CRYBG1: variants seen among roughly 807,000 people sequenced by gnomAD.
The protein encoded by CRYBG1 is crystallin beta-gamma domain containing 1, also known as beta/gamma crystallin domain-containing protein 1.
CRYBG1 carries 139 observed loss-of-function variants against 189.2 expected under a neutral mutation model. That is an observed-to-expected ratio of 0.73 (90% CI 0.64 to 0.85). The LOEUF (loss-of-function observed/expected upper bound fraction) is 0.85. Among genes scored for constraint, CRYBG1 ranks in the 40% least tolerant of loss-of-function variants. The pLI is 0.00. For synonymous variants in CRYBG1, 1,023 were observed against 1,017.1 expected (o/e 1.01, Z -0.11); for missense variants, 2,611 against 2,675.8 (o/e 0.98, Z 0.53).
rs1454440034 is a variant in CRYBG1 at position 106,511,758 on chromosome 6, G to A, written c.641G>A (p.Arg214His). The A allele has an allele frequency of 5.2e-6, 8 of 1,535,236 alleles. No individual in the cohort carries two copies. In the Admixed American group the frequency reaches 1.6e-4, roughly 30 times the overall value. The change falls in exon 3 of 22, where the codon CGC becomes CAC. Residue 214 changes from arginine to histidine, a missense_variant. Arg to His is a conservative substitution (Grantham distance 29, BLOSUM62 0). This residue lies in a region of CRYBG1 where 985 missense variants were observed against 924.4 expected (regional missense o/e 1.07). Transcript: ENST00000633556. ...AAPPDAELSPRWSSSAAAVAV... is the reference protein window; with the variant it reads ...AAPPDAELSPHWSSSAAAVAV... ...CCCCCTGACGCCGAGCTGTCACCTC[G>A]CTGGAGCAGCAGTGCAGCGGCTGTG...
At chr6:106,559,854 G>A (rs757145180) in intron 18 of CRYBG1, among the ~76,000 whole-genome samples, 22 of 152,100 alleles carry the variant, frequency 1.4e-4, no homozygotes, top group Non-Finnish European at 2.6e-4. Context: ...TAGCACTTTG[G>A]GAGGTCAAAG....
chr6:106,568,381 A>T, intron 21 of CRYBG1, 91 bp from the exon 22 acceptor site: 1 of 1,000,604 alleles, frequency 1.0e-6, no homozygotes, highest in Non-Finnish European at 1.5e-6. Flanking sequence ...TTACTTGCTT[A>T]CTTTTGCTGT....
At position 106,497,283 on chromosome 6, in the gene CRYBG1, G is replaced by A. The variant is rs73515141; in HGVS notation, c.313-14147G>A. On this transcript the variant is annotated intron_variant, in intron 2 of 21. Coordinates refer to ENST00000633556, the MANE Select transcript of CRYBG1 (RefSeq NM_001371242.2). ...AGAAACTGAGTGGGAAAAGACATTC[G>A]ATGTTGCATGAAAACCCTTACAAGG... Among the ~76,000 whole-genome samples the A allele has an allele frequency of 3.8e-3, 584 of 152,208 alleles. 6 individuals carry two copies. Among genetic ancestry groups the A allele is most frequent in the African/African-American group, 0.013 (560 of 41,518 alleles).
chr6:106,426,622 C>G (rs1220891818), intron 1 of CRYBG1, among the ~76,000 whole-genome samples: 1 of 152,094 alleles, frequency 6.6e-6, no homozygotes, highest in Non-Finnish European at 1.5e-5. Context: ...TATTTCTTGC[C>G]TGGGTTCTAG....
At chr6:106,372,262 C>T (rs1425012241) in intron 1 of CRYBG1, among the ~76,000 whole-genome samples, 3 of 147,804 alleles carry the variant, frequency 2.0e-5, no homozygotes, top group African/African-American at 4.9e-5. Context: ...TTTGTCATTA[C>T]TTTTTTTTTT....
chr6:106,471,320 A>G (rs1309055451), intron 2 of CRYBG1, among the ~76,000 whole-genome samples: 1 of 152,202 alleles, frequency 6.6e-6, no homozygotes, highest in Admixed American at 6.5e-5. Context: ...TTTATCTGTA[A>G]AGGAAGTACT....
In CRYBG1 at chr6:106,512,647, G is replaced by A. The variant is rs762609512; in HGVS notation, c.1530G>A (p.Ser510=). The A allele has an allele frequency of 1.3e-6, 2 of 1,585,536 alleles. No individual in the cohort carries two copies. The highest frequency in any genetic ancestry group is 2.3e-5 in the East Asian group (1 of 43,670). The change falls in exon 3 of 22, where the codon TCG becomes TCA. Residue 510 remains serine (S), a synonymous_variant. Coordinates refer to ENST00000633556, the MANE Select transcript of CRYBG1 (RefSeq NM_001371242.2). The part of the protein sequence containing the change: ...SDRSKQPPPA[S]SPTKRKGRSR... ...GGAGCAAACAGCCACCCCCGGCTTC[G>A]TCCCCCACGAAGAGGAAGGGCAGGA...
At chr6:106,517,090 GC>G (rs1324451949) in intron 3 of CRYBG1, among the ~76,000 whole-genome samples, 1 of 143,994 alleles carries the variant, frequency 6.9e-6, no homozygotes, top group African/African-American at 2.6e-5. Context: ...GCTCACTGCA[GC>G]CTTGATCTTC....
At chr6:106,480,970 T>TAAGAAAAGAAAAAATTGGCTGC (rs1562081332) in intron 2 of CRYBG1, among the ~76,000 whole-genome samples, 128 of 19,342 alleles carry the variant, frequency 6.6e-3, no homozygotes, top group South Asian at 0.018. Context: ...GACTCTGTCT[T>TAAGAAAAGAAAAAATTGGCTGC]TTTTTTTTTT....
chr6:106,386,717 G>C (rs1455055434), intron 1 of CRYBG1, among the ~76,000 whole-genome samples: 2 of 152,210 alleles, frequency 1.3e-5, no homozygotes, highest in African/African-American at 4.8e-5. Context: ...GCCACCGCTA[G>C]ACATACCATC....
At chr6:106,409,149 T>TG (rs1316047082) in intron 1 of CRYBG1, among the ~76,000 whole-genome samples, 3 of 152,236 alleles carry the variant, frequency 2.0e-5, no homozygotes, top group African/African-American at 7.2e-5. Context: ...AAAAATCTTT[T>TG]TAAGCTGATA....
intron 2 of CRYBG1, among the ~76,000 whole-genome samples, chr6:106,469,096 C>T (rs912050041): frequency 1.3e-5 from 2 of 152,214 alleles, no homozygotes; most frequent in Admixed American, 6.5e-5. Context: ...CTCCCCACCA[C>T]TCACCCCTCA....
At chr6:106,529,537 G>A (rs1773829463) in intron 7 of CRYBG1, among the ~76,000 whole-genome samples, 2 of 152,214 alleles carry the variant, frequency 1.3e-5, no homozygotes, top group African/African-American at 4.8e-5. Flanking sequence ...CAGCTGCATA[G>A]ATGAGTTTCA....
chr6:106,501,668 G>A (rs1427019779), intron 2 of CRYBG1, among the ~76,000 whole-genome samples: 2 of 152,184 alleles, frequency 1.3e-5, no homozygotes, highest in South Asian at 2.1e-4. Flanking sequence ...TATGATAGAT[G>A]TGCAACTTTT....
intron 1 of CRYBG1, among the ~76,000 whole-genome samples, chr6:106,448,618 T>C (rs549718408): frequency 9.9e-4 from 151 of 152,318 alleles, no homozygotes; most frequent in African/African-American, 3.6e-3. Context: ...TCAAATTCCA[T>C]CTTAAATATG....
Position 106,419,843 on chromosome 6 carries a change from T to C in CRYBG1, c.174-31851T>C, listed in dbSNP as rs75373862. ...GAAAAAAATCATCTGAGCAGACAAA[T>C]ATAACTCTTTTGAAGTCTCTATTCC... is the stretch of plus-strand genomic sequence containing the variant. On this transcript the variant is annotated intron_variant, in intron 1 of 21. Coordinates refer to ENST00000633556, the MANE Select transcript of CRYBG1 (RefSeq NM_001371242.2). Among the ~76,000 whole-genome samples, 1,425 of 152,304 alleles carry C rather than the reference T, an allele frequency of 9.4e-3. 28 individuals are homozygous for C. Among genetic ancestry groups the C allele is most frequent in the African/African-American group, 0.033 (1,354 of 41,552 alleles).
chr6:106,548,250 A>G (rs959461822), intron 13 of CRYBG1, among the ~76,000 whole-genome samples: 2 of 152,186 alleles, frequency 1.3e-5, no homozygotes, highest in African/African-American at 4.8e-5. Flanking sequence ...CGGATCATAG[A>G]GCAGAGAATC....
At chr6:106,382,608 A>T (rs1770307812) in intron 1 of CRYBG1, among the ~76,000 whole-genome samples, 1 of 152,192 alleles carries the variant, frequency 6.6e-6, no homozygotes, top group Non-Finnish European at 1.5e-5. Context: ...CAAGAATAAA[A>T]TAAAAATAAT....
intron 1 of CRYBG1, among the ~76,000 whole-genome samples, chr6:106,436,600 T>C (rs982781151): frequency 4.3e-5 from 6 of 139,288 alleles, no homozygotes; most frequent in South Asian, 2.3e-4. Context: ...GCCGCAATCT[T>C]ATTCTACTTT....
Sources: gnomAD v4.1 joint callset for allele counts (sites outside exome capture counted in the v4.1 genomes callset) on GRCh38, gnomAD v4.1.1 for gene constraint, gnomAD v4.1.1 regional missense constraint, MANE v1.5 for transcripts, NCBI Gene and HGNC (gene_info 2026-07-23, HGNC 2026-07-21) for gene names.